Variants in OLFM4 observed in about 807,000 individuals in gnomAD.
OLFM4 encodes the protein olfactomedin 4.
A neutral mutation model predicts 25.5 loss-of-function variants in OLFM4; 22 were observed. The ratio of observed to expected loss-of-function variants is 0.86; its 90% CI spans 0.62 to 1.23. The LOEUF (loss-of-function observed/expected upper bound fraction) is 1.23, where lower values mean the gene tolerates loss of function less well. Among genes scored for constraint, OLFM4 ranks in the 50% most tolerant of loss-of-function variants. The pLI is 0.00. For missense variants in OLFM4, 594 were observed against 619.4 expected, an observed-to-expected ratio of 0.96 and a Z score of 0.44; for synonymous variants, 255 against 237.7, an observed-to-expected ratio of 1.07 and a Z score of -0.67.
At position 53,041,987 on chromosome 13, in the gene OLFM4, G is replaced by T. The variant is rs1176676515; in HGVS notation, c.435G>T (p.Glu145Asp). ...LNLTVRIDIM[E>D]KDTISYTELD... ...TAACTGTCCGAATTGACATCATGGA[G>T]AAGGATACCATTTCTTACACTGAAC... Residue 145 changes from glutamate to aspartate, a missense_variant, in exon 3 of 5, where the codon GAG (glutamate) becomes GAT (aspartate). Coordinates refer to ENST00000219022, the MANE Select transcript of OLFM4 (RefSeq NM_006418.5). The T allele has an allele frequency of 1.9e-6, 3 of 1,613,852 alleles. No homozygotes were observed. Among genetic ancestry groups the T allele is most frequent in the Non-Finnish European group, 2.5e-6 (3 of 1,179,894 alleles).
chr13:53,035,459 C>T (rs9596755), intron 2 of OLFM4, among the ~76,000 whole-genome samples: 1 of 152,048 alleles, frequency 6.6e-6, no homozygotes, highest in Non-Finnish European at 1.5e-5. Flanking sequence ...TGTTACAAAC[C>T]ATCCAATTAG....
intron 4 of OLFM4, among the ~76,000 whole-genome samples, chr13:53,048,858 A>G (rs1463778635): frequency 6.6e-6 from 1 of 152,174 alleles, no homozygotes; most frequent in Admixed American, 6.5e-5. Flanking sequence ...TTATCCAATA[A>G]ACCATCTCAT....
Position 53,050,280 on chromosome 13 carries a change from AT to A in OLFM4, c.1044del (p.Ile348MetfsTer6). 6.2e-7 allele frequency: 1 copy of A among 1,614,080 alleles called. No homozygotes were observed. Among genetic ancestry groups the A allele is most frequent in the South Asian group, 1.1e-5 (1 of 91,078 alleles). ...MYVNMYNTGN[I>X]ARVNLTTNTI... ...CGTCAACATGTACAACACCGGGAAT[AT>A]TGCCAGAGTTAACCTGACCACCAAC... On this transcript the variant is annotated frameshift_variant, in exon 5 of 5. Transcript: ENST00000219022. LOFTEE classifies it high-confidence loss of function.
rs1490264941 is a variant in OLFM4, at chr13:53,049,973, C to T, written c.735C>T (p.Ser245=). Residue 245 remains serine (S), a synonymous_variant, in exon 5 of 5, where the codon AGC becomes AGT. Transcript: ENST00000219022. The stretch of plus-strand genomic sequence containing the variant: ...TTTATTTTCTTGTTTGTATAGGGAG[C>T]TGTGGTCATGGTGGTGTGGTGAACA... ...PVVHPPPTPG[S]CGHGGVVNIS... is the part of the protein sequence containing the mutation. 1 of 1,601,518 alleles carries T rather than the reference C, an allele frequency of 6.2e-7. No homozygotes were observed.
intron 1 of OLFM4, among the ~76,000 whole-genome samples, chr13:53,033,833 G>A (rs994980109): frequency 6.6e-6 from 1 of 152,016 alleles, no homozygotes; most frequent in Non-Finnish European, 1.5e-5. Context: ...GGCCGAGGTG[G>A]GTGGATCACG....
intron 4 of OLFM4, among the ~76,000 whole-genome samples, chr13:53,046,737 A>G (rs760936484): frequency 1.3e-5 from 2 of 152,198 alleles, no homozygotes; most frequent in African/African-American, 2.4e-5. Flanking sequence ...TTTACCATTT[A>G]CTGAGTAACA....
chr13:53,030,039 T>C (rs554242844), intron 1 of OLFM4, among the ~76,000 whole-genome samples: 60 of 152,292 alleles, frequency 3.9e-4, no homozygotes, highest in African/African-American at 1.4e-3. Flanking sequence ...AGCTTCTCTC[T>C]CTAAGCCTCT....
intron 2 of OLFM4, 54 bp downstream of exon 2, chr13:53,034,554 T>G (rs770466887): frequency 1.4e-6 from 2 of 1,477,034 alleles, no homozygotes; most frequent in Non-Finnish European, 1.8e-6. Flanking sequence ...AAACAAAATG[T>G]GTTTTAATTT....
chr13:53,047,682 A>T (rs1322381963), intron 4 of OLFM4, among the ~76,000 whole-genome samples: 18 of 152,178 alleles, frequency 1.2e-4, no homozygotes, highest in Admixed American at 1.2e-3. Context: ...AGCCACTATT[A>T]CTATTAGTAG....
rs560723864 is a variant in OLFM4, at chr13:53,038,644, T to C, written c.358-3266T>C. ...ACAAAAATGTTATGCAGCAAATGAC[T>C]GTATTTTCCAGAAGAAGAAAAAAAT... On this transcript the variant is annotated intron_variant, in intron 2 of 4. Transcript: ENST00000219022. 1.4e-4 allele frequency among the ~76,000 whole-genome samples: 21 copies of C among 152,306 alleles called. No individual in the cohort carries two copies. In the South Asian group the frequency reaches 2.3e-3, roughly 17 times the overall value.
chr13:53,034,720 G>A (rs1357743233), intron 2 of OLFM4, among the ~76,000 whole-genome samples: 1 of 152,168 alleles, frequency 6.6e-6, no homozygotes, highest in African/African-American at 2.4e-5. Flanking sequence ...TGTTCACGCC[G>A]TGGATAAACT....
intron 4 of OLFM4, among the ~76,000 whole-genome samples, chr13:53,046,262 G>A (rs1197318350): frequency 1.3e-5 from 2 of 152,222 alleles, no homozygotes; most frequent in Non-Finnish European, 2.9e-5. Flanking sequence ...TTCCTCTGTA[G>A]GCATATAATT....
Position 53,051,994 on chromosome 13 carries a change from A to G in OLFM4, c.*1223A>G, listed in dbSNP as rs569944305. 7.9e-5 allele frequency: 12 copies of G among 152,258 alleles called. No individual in the cohort carries two copies. Among genetic ancestry groups the G allele is most frequent in the African/African-American group, 2.9e-4 (12 of 41,556 alleles). 9.4% of individuals were successfully genotyped at this position (152,258 alleles called of 1,614,324 possible). ...TGATGTTCAAGTCCTAGTCTATAGG[A>G]TTGGCAGTTTAAATGCTTTACTCCC... is the stretch of plus-strand genomic sequence containing the variant. On this transcript the variant is annotated 3_prime_UTR_variant, in exon 5 of 5. Transcript: ENST00000219022.
rs571218692 is a variant in OLFM4, at chr13:53,039,100, G to C, written c.358-2810G>C. 2.3e-4 allele frequency among the ~76,000 whole-genome samples: 35 copies of C among 152,232 alleles called. No homozygotes were observed. In the South Asian group the frequency reaches 6.2e-3, roughly 27 times the overall value. Reference sequence around the variant, plus strand: ...TGCTTTTTTTTGTGAAAATCTAGGAGAACCACATTTTATTTAGCAGAGATG... The same window carrying C: ...TGCTTTTTTTTGTGAAAATCTAGGACAACCACATTTTATTTAGCAGAGATG... On this transcript the variant is annotated intron_variant, in intron 2 of 4. Transcript: ENST00000219022.
Position 53,050,515 on chromosome 13 carries a change from A to T in OLFM4, c.1277A>T (p.Tyr426Phe). 6.2e-7 allele frequency: 1 copy of T among 1,614,110 alleles called. No individual in the cohort carries two copies. The highest frequency in any genetic ancestry group is 1.1e-5 in the South Asian group (1 of 91,080). The part of the protein sequence containing the change: ...QVLNTWYTKQ[Y>F]KPSASNAFMV... ...CTAAACACTTGGTATACCAAGCAGT[A>T]TAAACCATCTGCTTCTAACGCCTTC... Residue 426 changes from tyrosine (Y) to phenylalanine (F), a missense_variant, in exon 5 of 5, where the codon TAT becomes TTT. Transcript: ENST00000219022.
At chr13:53,038,045 T>C (rs1353001395) in intron 2 of OLFM4, among the ~76,000 whole-genome samples, 1 of 152,206 alleles carries the variant, frequency 6.6e-6, no homozygotes, top group Non-Finnish European at 1.5e-5. Context: ...AATGTTAGGC[T>C]GGTGGCTTAA....
rs1954743219 is a variant in OLFM4 at position 53,050,670 on chromosome 13, G to A, written c.1432G>A (p.Val478Met). 6.2e-7 allele frequency: 1 copy of A among 1,613,946 alleles called. No individual in the cohort carries two copies. The highest frequency in any genetic ancestry group is 8.5e-7 in the Non-Finnish European group (1 of 1,179,940). The change falls in exon 5 of 5, where the codon GTG becomes ATG. Residue 478 changes from valine (V) to methionine (M), a missense_variant. By Grantham distance (21) the Val-to-Met change is conservative (BLOSUM62 1). Transcript: ENST00000219022. ...TGTAATGCATAAGATGCAGGAAAAA[G>A]TGCAGAGCATTAACTATAACCCTTT... ...DIVMHKMQEK[V>M]QSINYNPFDQ...
intron 4 of OLFM4, among the ~76,000 whole-genome samples, chr13:53,048,276 T>C (rs372368813): frequency 2.0e-5 from 3 of 152,188 alleles, no homozygotes; most frequent in East Asian, 3.9e-4. Flanking sequence ...TGCTTTTTTA[T>C]TTATGAAATG....
rs1286644953 is a variant in OLFM4, at chr13:53,050,048, A to G, written c.810A>G (p.Leu270=). ...TCAACTGGAGAGGGTTTTCTTATCT[A>G]TATGGTGCTTGGGGTAGGGATTACT... ...VQLNWRGFSY[L]YGAWGRDYSP... Residue 270 remains leucine (L), a synonymous_variant, in exon 5 of 5, where the codon CTA becomes CTG. Coordinates refer to ENST00000219022, the MANE Select transcript of OLFM4 (RefSeq NM_006418.5). The G allele has an allele frequency of 1.2e-6, 2 of 1,613,970 alleles. No individual in the cohort carries two copies. Among genetic ancestry groups the G allele is most frequent in the Admixed American group, 1.7e-5 (1 of 60,012 alleles).
Sources: gnomAD v4.1 joint callset for allele counts (sites outside exome capture counted in the v4.1 genomes callset) on GRCh38, gnomAD v4.1.1 for gene constraint, MANE v1.5 for transcripts, NCBI Gene and HGNC (gene_info 2026-07-23, HGNC 2026-07-21) for gene names.